The following TUBA4B variants were observed in gnomAD, a reference collection of about 807,000 sequenced individuals.
The protein encoded by TUBA4B is tubulin-like protein alpha-4B.
In TUBA4B, 13 loss-of-function variants were observed where a neutral mutation model predicts 18.4. That is an observed-to-expected ratio of 0.71 (90% confidence interval 0.46 to 1.12). TUBA4B has a LOEUF of 1.12. Among genes scored for constraint, TUBA4B ranks in the 50% most tolerant of loss-of-function variants. The pLI, the probability that TUBA4B is intolerant of heterozygous loss-of-function variation, is 0.00. For synonymous variants in TUBA4B, 101 were observed against 99.1 expected (o/e 1.02, Z -0.11); for missense variants, 244 against 250.0 (o/e 0.98, Z 0.16).
In TUBA4B at chr2:219,271,405, C is replaced by T. The variant is rs1421865629; in HGVS notation, c.432C>T (p.Asp144=). The change falls in exon 4 of 4, where the codon GAC becomes GAT. Residue 144 remains aspartate (D), a synonymous_variant. Coordinates refer to ENST00000490341, the MANE Select transcript of TUBA4B (RefSeq NM_001355221.1). ...ACTCAGACTGTGCCTTCATGGTGGACAACAAAGCAATCTATGACATCTGCC... is the reference window on the plus strand; with the variant it reads ...ACTCAGACTGTGCCTTCATGGTGGATAACAAAGCAATCTATGACATCTGCC... The part of the protein sequence containing the change: ...LEHSDCAFMV[D]NKAIYDICHC... 6.2e-7 allele frequency: 1 copy of T among 1,614,098 alleles called. No individual in the cohort carries two copies. The highest frequency in any genetic ancestry group is 1.3e-5 in the African/African-American group (1 of 74,926).
In TUBA4B at chr2:219,254,034, G is replaced by A. The variant is rs549573840; in HGVS notation, c.12+615G>A. 8 of 570,458 alleles carry A rather than the reference G, an allele frequency of 1.4e-5. No homozygotes were observed. The South Asian group carries it at 3.1e-4, about 22-fold the overall frequency. 35.3% of individuals were successfully genotyped at this position (570,458 alleles called of 1,614,324 possible). On this transcript the variant is annotated intron_variant, in intron 1 of 3. Coordinates refer to ENST00000490341, the MANE Select transcript of TUBA4B (RefSeq NM_001355221.1). ...GCCACGCCTCCCGGGAGGGTAAGCG[G>A]CCCCCCCGAGGGGCGGAGCCTGGCC... is the stretch of plus-strand genomic sequence containing the variant.
At chr2:219,256,020 G>A (rs1951716875) in intron 1 of TUBA4B, among the ~76,000 whole-genome samples, 1 of 152,184 alleles carries the variant, frequency 6.6e-6, no homozygotes, top group Non-Finnish European at 1.5e-5. Context: ...TAAGGTCATG[G>A]TCCCTACAAA....
intron 1 of TUBA4B, among the ~76,000 whole-genome samples, chr2:219,254,854 A>G (rs1213606948): frequency 1.3e-5 from 2 of 152,242 alleles, no homozygotes; most frequent in Non-Finnish European, 2.9e-5. Context: ...AAGAGAAAAG[A>G]AGAAAATCGA....
At chr2:219,267,981 G>T (rs1951800557) in intron 2 of TUBA4B, among the ~76,000 whole-genome samples, 1 of 152,192 alleles carries the variant, frequency 6.6e-6, no homozygotes, top group Admixed American at 6.5e-5. Context: ...GTCTGGGTCT[G>T]TGGACAGAAC....
At chr2:219,264,614 C>T (rs954236700) in intron 1 of TUBA4B, among the ~76,000 whole-genome samples, 9 of 152,192 alleles carry the variant, frequency 5.9e-5, no homozygotes, top group Admixed American at 2.0e-4. Context: ...ATAAGGGATC[C>T]GGCTACTCAG....
At chr2:219,265,278 C>T (rs1951783397) in intron 1 of TUBA4B, among the ~76,000 whole-genome samples, 1 of 152,166 alleles carries the variant, frequency 6.6e-6, no homozygotes, top group African/African-American at 2.4e-5. Flanking sequence ...GAAAGGGAGG[C>T]CCTGCCTTGC....
chr2:219,253,354 C>CGG lies in TUBA4B; in HGVS notation c.-45_-44dup, dbSNP rs60456844. 0.069 allele frequency: 87,182 copies of CGG among 1,266,220 alleles called. 362 individuals carry two copies. Among genetic ancestry groups the CGG allele is most frequent in the South Asian group, 0.12 (8,103 of 69,822 alleles). The allele number at this position is 1,266,220 out of a possible 1,614,324, so 78.4% of individuals were successfully genotyped here. ...AGCTCAGACGCGGGGTGCTGAGTCA[C>CGG]GGGGGGGGGGTGGTTCTGTGGATAG... On this transcript the variant is annotated 5_prime_UTR_variant, in exon 1 of 4. Transcript: ENST00000490341.
At chr2:219,262,306 C>A (rs1951764681) in intron 1 of TUBA4B, among the ~76,000 whole-genome samples, 1 of 152,186 alleles carries the variant, frequency 6.6e-6, no homozygotes, top group Admixed American at 6.5e-5. Context: ...CAGAGCGAGA[C>A]TCGAGACTCT....
intron 1 of TUBA4B, among the ~76,000 whole-genome samples, chr2:219,261,232 G>A (rs555614458): frequency 2.6e-5 from 4 of 152,114 alleles, no homozygotes; most frequent in Non-Finnish European, 5.9e-5. Flanking sequence ...TCAAAGAGCG[G>A]GTGACATCTT....
chr2:219,269,039 T>C (rs538580842), intron 2 of TUBA4B, among the ~76,000 whole-genome samples: 2 of 152,282 alleles, frequency 1.3e-5, no homozygotes, highest in South Asian at 2.1e-4. Flanking sequence ...AAGACTGCTG[T>C]AGTTAACTAT....
intron 1 of TUBA4B, among the ~76,000 whole-genome samples, chr2:219,264,699 T>A (rs12465520): frequency 6.6e-6 from 1 of 151,988 alleles, no homozygotes; most frequent in Non-Finnish European, 1.5e-5. Context: ...TGGAGTAGGA[T>A]GGCACTAGAT....
chr2:219,268,178 G>A (rs1039769582), intron 2 of TUBA4B, among the ~76,000 whole-genome samples: 1 of 145,452 alleles, frequency 6.9e-6, no homozygotes, highest in Non-Finnish European at 1.5e-5. Context: ...ATGCAATCTC[G>A]GCTCACTGCA....
chr2:219,263,466 A>G (rs2125075730), intron 1 of TUBA4B, among the ~76,000 whole-genome samples: 1 of 152,302 alleles, frequency 6.6e-6, no homozygotes, highest in Non-Finnish European at 1.5e-5. Flanking sequence ...CAGTCTTTTC[A>G]TTCTGCTTTA....
intron 1 of TUBA4B, among the ~76,000 whole-genome samples, chr2:219,260,079 T>G (rs1249112632): frequency 6.6e-6 from 1 of 152,180 alleles, no homozygotes; most frequent in Non-Finnish European, 1.5e-5. Context: ...AAATTCTTTT[T>G]TGTTGGTTTT....
In TUBA4B at chr2:219,263,840, A is replaced by T. The variant is rs1455468270; in HGVS notation, c.13-2681A>T. Among the ~76,000 whole-genome samples the T allele has an allele frequency of 2.6e-5, 4 of 152,272 alleles. 1 individual carries two copies. Among genetic ancestry groups the T allele is most frequent in the African/African-American group, 9.6e-5 (4 of 41,474 alleles). On this transcript the variant is annotated intron_variant, in intron 1 of 3. Coordinates refer to ENST00000490341, the MANE Select transcript of TUBA4B (RefSeq NM_001355221.1). ...GATCATTCCCTAGCTTACTGGGTTG[A>T]CAGGGTCTCTGAAAAAGTCCCCTGT...
At chr2:219,255,314 C>T (rs537015543) in intron 1 of TUBA4B, among the ~76,000 whole-genome samples, 1 of 152,242 alleles carries the variant, frequency 6.6e-6, no homozygotes. Flanking sequence ...TTTCGGCTCA[C>T]CTCAACACCT....
Position 219,270,085 on chromosome 2 carries a change from T to A in TUBA4B, c.59-117T>A, listed in dbSNP as rs566379808. 1.5e-3 allele frequency: 970 copies of A among 630,418 alleles called. 12 individuals carry two copies. The South Asian group carries it at 0.017, about 11-fold the overall frequency. 39.1% of individuals were successfully genotyped at this position (630,418 alleles called of 1,614,324 possible). A position where few individuals can be genotyped will look rare whatever the true frequency, so the allele number is the denominator to read the frequency against. The stretch of plus-strand genomic sequence containing the variant: ...AAGCAGGTAATAGCAGCAGCCTGAA[T>A]GCAGAACCTGGGACCCGGTGACCCC... On this transcript the variant is annotated intron_variant, in intron 2 of 3. Transcript: ENST00000490341.
chr2:219,264,459 C>CAA (rs36027298), intron 1 of TUBA4B, among the ~76,000 whole-genome samples: 26 of 78,880 alleles, frequency 3.3e-4, no homozygotes, highest in South Asian at 1.7e-3. Context: ...GGCCCTGTCT[C>CAA]AAAAAAAAAA....
At chr2:219,257,825 AT>A (rs1245507160) in intron 1 of TUBA4B, among the ~76,000 whole-genome samples, 1 of 138,064 alleles carries the variant, frequency 7.2e-6, no homozygotes, top group Non-Finnish European at 1.5e-5. Context: ...CAAAAAAAAA[AT>A]ATATATATAC....
Sources: allele counts gnomAD v4.1 joint callset (sites outside exome capture counted in the v4.1 genomes callset), GRCh38; gene constraint gnomAD v4.1.1; transcripts MANE v1.5; gene names NCBI Gene and HGNC (gene_info 2026-07-23, HGNC 2026-07-21).